Variants in RICTOR observed in about 807,000 individuals in gnomAD.
The protein encoded by RICTOR is RPTOR independent companion of MTOR complex 2.
Under a neutral mutation model 214.9 loss-of-function variants are expected in RICTOR, and 49 were observed. The observed-to-expected ratio is 0.23, with a 90% CI of 0.18 to 0.29. RICTOR has a LOEUF of 0.29. RICTOR is among the 10% of genes least tolerant of loss of function. RICTOR has a pLI of 1.00. For missense variants in RICTOR, 1,625 were observed against 2,047.0 expected (o/e 0.79, Z 3.98); for synonymous variants, 717 against 711.3 (o/e 1.01, Z -0.13).
chr5:38,958,766 A>G lies in RICTOR; in HGVS notation c.2244T>C (p.Asn748=), dbSNP rs1390765775. 2 of 1,611,194 alleles carry G rather than the reference A, an allele frequency of 1.2e-6. No homozygotes were observed. Among genetic ancestry groups the G allele is most frequent in the Non-Finnish European group, 1.7e-6 (2 of 1,177,996 alleles). Residue 748 remains asparagine, a synonymous_variant, in exon 23 of 38, where the codon AAT becomes AAC. Coordinates refer to ENST00000357387, the MANE Select transcript of RICTOR (RefSeq NM_152756.5). ...TCACTAACAACTCAATTCCCCAATT[A>G]TTAAAGAATTCAACATTAGCTCTCA... ...VLLRANVEFF[N]NWGIELLVTQ... is the part of the protein sequence containing the mutation.
At chr5:38,968,523 T>G (rs547763039) in intron 11 of RICTOR, among the ~76,000 whole-genome samples, 5 of 151,328 alleles carry the variant, frequency 3.3e-5, no homozygotes, top group Admixed American at 2.0e-4. Flanking sequence ...GTGGGAGGAC[T>G]GCTTGAGGCC....
intron 7 of RICTOR, among the ~76,000 whole-genome samples, chr5:38,984,543 T>A (rs1751999287): frequency 6.6e-6 from 1 of 152,148 alleles, no homozygotes; most frequent in African/African-American, 2.4e-5. Flanking sequence ...TGGTGCACAG[T>A]CAAGTTTTAC....
intron 3 of RICTOR, among the ~76,000 whole-genome samples, chr5:39,008,024 ATTAT>A (rs1324540824): frequency 1.3e-5 from 2 of 151,706 alleles, no homozygotes; most frequent in Admixed American, 6.6e-5. Context: ...TGCTTATGAC[ATTAT>A]TTATAACATT....
At chr5:38,992,601 C>T (rs1248031668) in intron 6 of RICTOR, among the ~76,000 whole-genome samples, 1 of 152,060 alleles carries the variant, frequency 6.6e-6, no homozygotes, top group Non-Finnish European at 1.5e-5. Flanking sequence ...GTATAAAATT[C>T]TATATAAATC....
chr5:38,986,715 C>A (rs1348048987), intron 7 of RICTOR, among the ~76,000 whole-genome samples: 1 of 152,120 alleles, frequency 6.6e-6, no homozygotes, highest in Non-Finnish European at 1.5e-5. Flanking sequence ...CCCTTTATTT[C>A]TTTCTCTTGC....
At position 38,981,948 on chromosome 5, in the gene RICTOR, A is replaced by G. The variant is rs1751746926; in HGVS notation, c.672T>C (p.Asn224=). The G allele has an allele frequency of 2.5e-6, 4 of 1,612,740 alleles. No homozygotes were observed. In the African/African-American group the frequency reaches 4.0e-5, roughly 16 times the overall value. The change falls in exon 8 of 38, where the codon AAT becomes AAC. Residue 224 remains asparagine (N), a synonymous_variant. Transcript: ENST00000357387. The part of the protein sequence containing the change: ...NVIDCQLSRI[N]EALITTILHL... ...GCAAAATTGTAGTAATTAGGGCCTC[A>G]TTTATTCGACTTAATTGGCAATCGA...
intron 11 of RICTOR, among the ~76,000 whole-genome samples, chr5:38,969,457 G>C (rs1021103700): frequency 6.6e-6 from 1 of 151,714 alleles, no homozygotes; most frequent in African/African-American, 2.4e-5. Flanking sequence ...AACTAAAAAG[G>C]TTACAGTAAG....
At chr5:38,947,570 T>A in intron 31 of RICTOR, 129 bp from the exon 32 acceptor site, 2 of 652,038 alleles carry the variant, frequency 3.1e-6, no homozygotes, top group Non-Finnish European at 2.6e-6. Flanking sequence ...AGTGTCATCT[T>A]GTTTACTGGC....
In RICTOR at chr5:38,982,597, T is replaced by C. The variant is rs139491066; in HGVS notation, c.584-561A>G. Among the ~76,000 whole-genome samples the C allele has an allele frequency of 3.8e-4, 58 of 152,264 alleles. 3 individuals carry two copies. The highest frequency in any genetic ancestry group is 3.5e-3 in the East Asian group (18 of 5,178). On this transcript the variant is annotated intron_variant, in intron 7 of 37. Coordinates refer to ENST00000357387, the MANE Select transcript of RICTOR (RefSeq NM_152756.5). ...GCTGAGTTTTGTTAAGATGATAAACTCAATTTTCCCCCTTCCAAATGTTGA... is the reference window on the plus strand; with the variant it reads ...GCTGAGTTTTGTTAAGATGATAAACCCAATTTTCCCCCTTCCAAATGTTGA...
intron 27 of RICTOR, among the ~76,000 whole-genome samples, 162 bp from the exon 28 acceptor site, chr5:38,953,715 G>A (rs1748995693): frequency 6.6e-6 from 1 of 151,686 alleles, no homozygotes; most frequent in South Asian, 2.1e-4. Context: ...GCATAGGGCA[G>A]GGGTTCTGAA....
intron 7 of RICTOR, among the ~76,000 whole-genome samples, chr5:38,987,011 T>C (rs1752222972): frequency 6.6e-6 from 1 of 152,248 alleles, no homozygotes; most frequent in South Asian, 2.1e-4. Context: ...GTTCTGTTTA[T>C]GTGATGGATT....
chr5:38,984,745 A>T (rs1261199218), intron 7 of RICTOR, among the ~76,000 whole-genome samples: 1 of 152,148 alleles, frequency 6.6e-6, no homozygotes, highest in African/African-American at 2.4e-5. Flanking sequence ...GCAAAAAAAC[A>T]TCTTTTCTTG....
intron 2 of RICTOR, among the ~76,000 whole-genome samples, chr5:39,028,861 GC>G (rs1231797636): frequency 6.6e-6 from 1 of 152,060 alleles, no homozygotes; most frequent in Non-Finnish European, 1.5e-5. Flanking sequence ...ATGTGCCACT[GC>G]ACTCCAGCTC....
In RICTOR at chr5:38,958,647, T is replaced by G; in HGVS notation, c.2343+20A>C. 1 of 1,564,890 alleles carries G rather than the reference T, an allele frequency of 6.4e-7. No individual in the cohort carries two copies. The highest frequency in any genetic ancestry group is 8.7e-7 in the Non-Finnish European group (1 of 1,154,312). The stretch of plus-strand genomic sequence containing the variant: ...TTTCAAAAAAATTTAAGTATTAAAT[T>G]ATAAAAAATGAACCTTTACCTTGTC... On this transcript the variant is annotated intron_variant, in intron 23 of 37. Coordinates refer to ENST00000357387, the MANE Select transcript of RICTOR (RefSeq NM_152756.5).
chr5:39,059,934 G>T (rs893049186), intron 2 of RICTOR, among the ~76,000 whole-genome samples: 5 of 152,076 alleles, frequency 3.3e-5, no homozygotes, highest in Non-Finnish European at 7.4e-5. Flanking sequence ...AAGGCAACTT[G>T]TCCAGCAGAG....
chr5:39,002,485 AAACTC>A (rs998705466), intron 5 of RICTOR, 45 bp downstream of exon 5: 9 of 1,369,602 alleles, frequency 6.6e-6, no homozygotes, highest in Non-Finnish European at 8.2e-6. Context: ...GGCATGCTAA[AAACTC>A]AACACAAAAT....
rs200358537 is a variant in RICTOR, at chr5:38,950,146, T to C, written c.3702A>G (p.Ser1234=). 1 of 1,613,306 alleles carries C rather than the reference T, an allele frequency of 6.2e-7. No homozygotes were observed. Among genetic ancestry groups the C allele is most frequent in the African/African-American group, 1.3e-5 (1 of 74,854 alleles). The change falls in exon 31 of 38, where the codon TCA becomes TCG. Residue 1234 remains serine (S), a synonymous_variant. Coordinates refer to ENST00000357387, the MANE Select transcript of RICTOR (RefSeq NM_152756.5). ...CACCTACTGTCTCTCGTGAAGGACT[T>C]GAGCTCATTGAACTTATGCCACTTG... ...TTTSGISSMS[S]SPSRETVGVD... is the part of the protein sequence containing the mutation.
intron 7 of RICTOR, among the ~76,000 whole-genome samples, chr5:38,990,526 G>T (rs1348574174): frequency 3.6e-5 from 5 of 137,014 alleles, no homozygotes; most frequent in Non-Finnish European, 6.5e-5. Context: ...ATATATATAC[G>T]ATATATATAC....
At chr5:38,982,922 T>C (rs1207255491) in intron 7 of RICTOR, among the ~76,000 whole-genome samples, 1 of 152,112 alleles carries the variant, frequency 6.6e-6, no homozygotes, top group Non-Finnish European at 1.5e-5. Flanking sequence ...GGTTCTTTAC[T>C]GTTTATTCTT....
Sources: allele counts gnomAD v4.1 joint callset (sites outside exome capture counted in the v4.1 genomes callset), GRCh38; gene constraint gnomAD v4.1.1; transcripts MANE v1.5; gene names NCBI Gene and HGNC (gene_info 2026-07-23, HGNC 2026-07-21).